Variants in SPATA20 observed in about 807,000 individuals in gnomAD.
SPATA20 encodes spermatogenesis associated 20.
SPATA20 carries 74 observed loss-of-function variants against 98.9 expected under a neutral mutation model. The observed-to-expected ratio is 0.75, with a 90% confidence interval of 0.62 to 0.91. The LOEUF (loss-of-function observed/expected upper bound fraction) is 0.91. Ranked by LOEUF, SPATA20 falls within the 40% of genes least tolerant of loss-of-function variation. The pLI is 0.00. For synonymous variants in SPATA20, 430 were observed against 440.5 expected (o/e 0.98, Z 0.30); for missense variants, 1,016 against 1,069.8 (o/e 0.95, Z 0.70).
At chr17:50,554,005 C>T (rs145716960) in intron 14 of SPATA20, among the ~76,000 whole-genome samples, 4 of 152,076 alleles carry the variant, frequency 2.6e-5, no homozygotes, top group Non-Finnish European at 4.4e-5. Flanking sequence ...GCATCAGCAG[C>T]GAGGAGGGAG....
Position 50,550,740 on chromosome 17 carries a change from C to G in SPATA20, c.1206C>G (p.Asp402Glu). The change falls in exon 11 of 17, where the codon GAC (aspartate) becomes GAG (glutamate). Residue 402 changes from aspartate to glutamate, a missense_variant. Physicochemically the swap from Asp to Glu is conservative, Grantham distance 45 (BLOSUM62 2). Coordinates refer to ENST00000006658, the MANE Select transcript of SPATA20 (RefSeq NM_022827.4). ...SGGFYSAEDA[D>E]SPPERGQRPK... ...GCTTCTATAGCGCAGAAGATGCAGA[C>G]TCGCCCCCAGAGCGGGGCCAGCGGC... 2 of 1,613,212 alleles carry G rather than the reference C, an allele frequency of 1.2e-6. No homozygotes were observed. The highest frequency in any genetic ancestry group is 1.7e-6 in the Non-Finnish European group (2 of 1,179,946).
chr17:50,548,973 C>T lies in SPATA20; in HGVS notation c.516+9C>T, dbSNP rs1349859689. The T allele has an allele frequency of 1.2e-6, 2 of 1,614,140 alleles. No individual in the cohort carries two copies. Among genetic ancestry groups the T allele is most frequent in the African/African-American group, 1.3e-5 (1 of 75,046 alleles). ...ACATGACGTTCGTGCAGGTGAGCAGCCCTCCTCGGGAGTGTATGCGCCACA... is the reference window on the plus strand; with the variant it reads ...ACATGACGTTCGTGCAGGTGAGCAGTCCTCCTCGGGAGTGTATGCGCCACA... On this transcript the variant is annotated intron_variant, in intron 5 of 16. Coordinates refer to ENST00000006658, the MANE Select transcript of SPATA20 (RefSeq NM_022827.4).
rs1172457026 is a variant in SPATA20 at position 50,549,400 on chromosome 17, G to A, written c.775G>A (p.Val259Met). 23 of 1,612,468 alleles carry A rather than the reference G, an allele frequency of 1.4e-5. No individual in the cohort carries two copies. The East Asian group carries it at 1.6e-4, about 11-fold the overall frequency. The change falls in exon 7 of 17, where the codon GTG (valine) becomes ATG (methionine). Residue 259 changes from valine (V) to methionine (M), a missense_variant. Transcript: ENST00000006658. ...CCAGCTGCCGCCCTCTGCCGCCACC[G>A]TGAACAATCGCTGCTTCCAGCAGCT... ...DRQLPPSAAT[V>M]NNRCFQQLDE...
rs747519422 is a variant in SPATA20, at chr17:50,550,300, G to T, written c.1086G>T (p.Ser362=). ...YDQAQLAVAY[S]QAFQLSGDEF... Reference sequence around the variant, plus strand: ...AGGCACAGCTCGCTGTGGCCTATTCGCAGGCCTTCCAGGTGACCCCTGACC... The same window carrying T: ...AGGCACAGCTCGCTGTGGCCTATTCTCAGGCCTTCCAGGTGACCCCTGACC... Residue 362 remains serine (S), a synonymous_variant, in exon 9 of 17, where the codon TCG becomes TCT. Coordinates refer to ENST00000006658, the MANE Select transcript of SPATA20 (RefSeq NM_022827.4). The T allele has an allele frequency of 6.3e-7, 1 of 1,586,592 alleles. No individual in the cohort carries two copies. Among genetic ancestry groups the T allele is most frequent in the Non-Finnish European group, 8.6e-7 (1 of 1,162,296 alleles).
At chr17:50,548,670 G>A (rs760559406) in intron 4 of SPATA20, 52 bp downstream of exon 4, 2 of 1,600,924 alleles carry the variant, frequency 1.2e-6, no homozygotes, top group Non-Finnish European at 1.7e-6. Flanking sequence ...AGTGGCAGTG[G>A]ATGGGGGAGG....
chr17:50,551,282 C>T (rs1334893106), intron 12 of SPATA20, 92 bp downstream of exon 12: 4 of 1,280,896 alleles, frequency 3.1e-6, no homozygotes, highest in African/African-American at 1.5e-5. Context: ...CTCACTCTCC[C>T]TTGATTAGCG....
chr17:50,550,963 C>A (rs755762153), intron 11 of SPATA20, 35 bp from the exon 12 acceptor site: 1 of 1,611,512 alleles, frequency 6.2e-7, no homozygotes, highest in African/African-American at 1.3e-5. Flanking sequence ...GCCTGCCAGG[C>A]GTGTGAGCTC....
At chr17:50,551,802 G>GTA in intron 13 of SPATA20, 123 bp downstream of exon 13, 1 of 1,278,412 alleles carries the variant, frequency 7.8e-7, no homozygotes, top group East Asian at 2.5e-5. Context: ...CTGTGAGTTT[G>GTA]TAGCTTCCCT....
chr17:50,550,252 C>A lies in SPATA20; in HGVS notation c.1038C>A (p.His346Gln), dbSNP rs371604518. 3.1e-6 allele frequency: 5 copies of A among 1,610,630 alleles called. No homozygotes were observed. The highest frequency in any genetic ancestry group is 2.7e-5 in the African/African-American group (2 of 74,878). ...CAGACCGCCAGTGGCACGTCCCTCA[C>A]TTTGAGAAGATGCTCTATGACCAGG... ...YSTDRQWHVP[H>Q]FEKMLYDQAQ... Residue 346 changes from histidine (H) to glutamine (Q), a missense_variant, in exon 9 of 17, where the codon CAC becomes CAA. Coordinates refer to ENST00000006658, the MANE Select transcript of SPATA20 (RefSeq NM_022827.4).
chr17:50,554,648 G>A (rs891313961), intron 15 of SPATA20, among the ~76,000 whole-genome samples, 198 bp downstream of exon 15: 1 of 152,170 alleles, frequency 6.6e-6, no homozygotes, highest in African/African-American at 2.4e-5. Context: ...TTCTCTGTAC[G>A]TCTTGGTGTC....
At chr17:50,551,875 G>A (rs2035021802) in intron 13 of SPATA20, 94 bp from the exon 14 acceptor site, 5 of 1,289,276 alleles carry the variant, frequency 3.9e-6, no homozygotes, top group East Asian at 2.5e-5. Flanking sequence ...TCATCTGGAG[G>A]GTTAAGTGAA....
At chr17:50,551,452 G>A (rs1323113289) in intron 12 of SPATA20, 59 bp from the exon 13 acceptor site, 2 of 1,537,164 alleles carry the variant, frequency 1.3e-6, no homozygotes, top group African/African-American at 1.4e-5. Flanking sequence ...GTGATAGGGT[G>A]GACATGCCTG....
chr17:50,555,059 G>C (rs2035089045), intron 15 of SPATA20, among the ~76,000 whole-genome samples, 173 bp from the exon 16 acceptor site: 2 of 152,134 alleles, frequency 1.3e-5, no homozygotes, highest in Non-Finnish European at 1.5e-5. Context: ...ATGTGTGAGT[G>C]TGTGTGTGTG....
chr17:50,555,468 C>T, intron 16 of SPATA20, 24 bp from the exon 17 acceptor site: 1 of 1,613,192 alleles, frequency 6.2e-7, no homozygotes, highest in Non-Finnish European at 8.5e-7. Flanking sequence ...GCAGGTGACT[C>T]TCCCTGCTCT....
At chr17:50,547,350 C>T in intron 1 of SPATA20, 65 bp downstream of exon 1, 2 of 1,321,338 alleles carry the variant, frequency 1.5e-6, no homozygotes, top group East Asian at 5.2e-5. Context: ...AGTGGAGGGT[C>T]TTCCGGACAC....
chr17:50,548,606 A>G lies in SPATA20; in HGVS notation c.349A>G (p.Ile117Val). 1 of 1,613,242 alleles carries G rather than the reference A, an allele frequency of 6.2e-7. No homozygotes were observed. Among genetic ancestry groups the G allele is most frequent in the Non-Finnish European group, 8.5e-7 (1 of 1,179,824 alleles). ...CAAGGCCAGGAAGGAAAACAAGCCG[A>G]TTTTCCTCTCAGGTAATGCTCCCAC... ...FDKARKENKP[I>V]FLSVGYSTCH... The change falls in exon 4 of 17, where the codon ATT becomes GTT. Residue 117 changes from isoleucine (I) to valine (V), a missense_variant. Physicochemically the swap from Ile to Val is conservative, Grantham distance 29. Coordinates refer to ENST00000006658, the MANE Select transcript of SPATA20 (RefSeq NM_022827.4).
In SPATA20 at chr17:50,549,462, T is replaced by C; in HGVS notation, c.837T>C (p.Ala279=). 1 of 1,612,248 alleles carries C rather than the reference T, an allele frequency of 6.2e-7. No individual in the cohort carries two copies. The highest frequency in any genetic ancestry group is 2.2e-5 in the East Asian group (1 of 44,878). ...EGYDEEYGGF[A]EAPKFPTPVI... ...ATGATGAGGAATACGGTGGCTTCGC[T>C]GAGGCCCCCAAGTTTCCCACGCCGG... Residue 279 remains alanine, a synonymous_variant, in exon 7 of 17, where the codon GCT becomes GCC. Coordinates refer to ENST00000006658, the MANE Select transcript of SPATA20 (RefSeq NM_022827.4).
At position 50,548,899 on chromosome 17, in the gene SPATA20, G is replaced by A. The variant is rs2034960501; in HGVS notation, c.451G>A (p.Val151Met). The change falls in exon 5 of 17, where the codon GTG (valine) becomes ATG (methionine). Residue 151 changes from valine (V) to methionine (M), a missense_variant. Val to Met is a conservative substitution (Grantham distance 21). Coordinates refer to ENST00000006658, the MANE Select transcript of SPATA20 (RefSeq NM_022827.4). ...TGGCCGCCTGCTCAGTGAGGACTTTGTGAGTGTGAAGGTAGACCGTGAGGA... is the reference window on the plus strand; with the variant it reads ...TGGCCGCCTGCTCAGTGAGGACTTTATGAGTGTGAAGGTAGACCGTGAGGA... ...EIGRLLSEDF[V>M]SVKVDREERP... 1 of 1,614,170 alleles carries A rather than the reference G, an allele frequency of 6.2e-7. No individual in the cohort carries two copies. Among genetic ancestry groups the A allele is most frequent in the Non-Finnish European group, 8.5e-7 (1 of 1,180,016 alleles).
intron 14 of SPATA20, among the ~76,000 whole-genome samples, chr17:50,553,995 GCAT>G (rs1471391994): frequency 1.3e-5 from 2 of 152,198 alleles, no homozygotes; most frequent in African/African-American, 4.8e-5. Context: ...CTGGACAGAG[GCAT>G]CAGCAGCGAG....
Sources: allele counts gnomAD v4.1 joint callset (sites outside exome capture counted in the v4.1 genomes callset), GRCh38; gene constraint gnomAD v4.1.1; transcripts MANE v1.5; gene names NCBI Gene and HGNC (gene_info 2026-07-23, HGNC 2026-07-21).